HFM1: variants seen among roughly 807,000 people sequenced by gnomAD.
HFM1 encodes the protein probable ATP-dependent DNA helicase HFM1.
In HFM1, 169 loss-of-function variants were observed where a neutral mutation model predicts 192.1. That is an observed-to-expected ratio of 0.88 (90% CI 0.78 to 1.00). The LOEUF is 1.00. Ranked by LOEUF, HFM1 falls within the 50% of genes least tolerant of loss-of-function variation. The pLI, the probability that HFM1 is intolerant of heterozygous loss-of-function variation, is 0.00. For synonymous variants in HFM1, 525 were observed against 537.8 expected (o/e 0.98, Z 0.33); for missense variants, 1,661 against 1,668.0 (o/e 1.00, Z 0.07).
At chr1:91,352,709 A>AAAG in intron 15 of HFM1, 58 bp from the exon 16 acceptor site, 1 of 1,285,728 alleles carries the variant, frequency 7.8e-7, no homozygotes, top group Non-Finnish European at 1.0e-6. Context: ...CTTCAGGAAC[A>AAAG]TTTTTTAATA....
At chr1:91,295,182 T>C (rs1340431432) in intron 30 of HFM1, among the ~76,000 whole-genome samples, 1 of 152,212 alleles carries the variant, frequency 6.6e-6, no homozygotes, top group African/African-American at 2.4e-5. Flanking sequence ...GAAGTGTCTG[T>C]TTAATTGAGT....
chr1:91,353,885 T>C (rs1571070299), intron 13 of HFM1, among the ~76,000 whole-genome samples: 1 of 147,420 alleles, frequency 6.8e-6, no homozygotes, highest in Non-Finnish European at 1.5e-5. Context: ...ATTATTCCAC[T>C]AGTTGTGCAG....
At chr1:91,316,773 G>T (rs903406890) in intron 25 of HFM1, among the ~76,000 whole-genome samples, 1 of 152,080 alleles carries the variant, frequency 6.6e-6, no homozygotes, top group Non-Finnish European at 1.5e-5. Flanking sequence ...CAATCACCAA[G>T]AGATATGTAT....
At position 91,358,564 on chromosome 1, in the gene HFM1, A is replaced by C. The variant is rs183280821; in HGVS notation, c.1686-5265T>G. ...ATGGGGAAACAATAGTTTCTTCTAT[A>C]AATGAGGCTGGAAAAACAATTTCCA... On this transcript the variant is annotated intron_variant, in intron 13 of 38. Coordinates refer to ENST00000370425, the MANE Select transcript of HFM1 (RefSeq NM_001017975.6). 2.0e-5 allele frequency among the ~76,000 whole-genome samples: 3 copies of C among 152,336 alleles called. No homozygotes were observed. The East Asian group carries it at 5.8e-4, about 29-fold the overall frequency.
At chr1:91,323,416 G>GCATT (rs779922625) in intron 21 of HFM1, among the ~76,000 whole-genome samples, 31 of 152,114 alleles carry the variant, frequency 2.0e-4, no homozygotes, top group Non-Finnish European at 3.4e-4. Context: ...ACCAGACACT[G>GCATT]CATTAGACAC....
At position 91,309,105 on chromosome 1, in the gene HFM1, AG is replaced by A. The variant is rs367600255; in HGVS notation, c.3391+4243del. Among the ~76,000 whole-genome samples, 32 of 152,336 alleles carry A rather than the reference AG, an allele frequency of 2.1e-4. No homozygotes were observed. The East Asian group carries it at 6.0e-3, about 29-fold the overall frequency. ...AGAAGATGAAGGCTCATGAGCTCAC[AG>A]AATAGTTCTAAATGCGTTCTTCCTG... is the stretch of plus-strand genomic sequence containing the variant. On this transcript the variant is annotated intron_variant, in intron 30 of 38. Transcript: ENST00000370425.
chr1:91,329,269 G>T, intron 20 of HFM1: 2 of 1,609,584 alleles, frequency 1.2e-6, no homozygotes, highest in Non-Finnish European at 1.7e-6. Flanking sequence ...GAGCTGAAGT[G>T]GAGCGAGCCA....
At chr1:91,358,005 A>G (rs1439416283) in intron 13 of HFM1, among the ~76,000 whole-genome samples, 1 of 152,234 alleles carries the variant, frequency 6.6e-6, no homozygotes, top group Non-Finnish European at 1.5e-5. Context: ...ATATTGTTAA[A>G]ATGTCCATAC....
At chr1:91,389,232 G>A (rs282021) in intron 4 of HFM1, among the ~76,000 whole-genome samples, 100,452 of 149,510 alleles carry the variant, frequency 0.67, 34,236 homozygotes, top group African/African-American at 0.8. Context: ...TGTGATCTCG[G>A]CTCACTGCAA....
intron 20 of HFM1, among the ~76,000 whole-genome samples, chr1:91,341,434 A>C (rs962071925): frequency 3.9e-5 from 6 of 152,194 alleles, no homozygotes; most frequent in Non-Finnish European, 8.8e-5. Context: ...CAGGTAAAAC[A>C]ATGTTCAGAG....
chr1:91,284,140 T>C (rs540989039), intron 30 of HFM1, among the ~76,000 whole-genome samples: 4 of 152,200 alleles, frequency 2.6e-5, no homozygotes, highest in African/African-American at 9.6e-5. Flanking sequence ...TAAAGAAAAG[T>C]AGACTGCCTT....
intron 30 of HFM1, among the ~76,000 whole-genome samples, chr1:91,278,454 C>G (rs1383897645): frequency 6.6e-6 from 1 of 152,048 alleles, no homozygotes; most frequent in South Asian, 2.1e-4. Flanking sequence ...AGGTGGAGGG[C>G]AAATACCCAA....
intron 38 of HFM1, among the ~76,000 whole-genome samples, chr1:91,261,926 C>T (rs975757143): frequency 6.6e-6 from 1 of 152,160 alleles, no homozygotes; most frequent in African/African-American, 2.4e-5. Flanking sequence ...TAGCTGATCT[C>T]ATCTGGATTT....
chr1:91,266,048 T>C lies in HFM1; in HGVS notation c.3943A>G (p.Lys1315Glu), dbSNP rs1665739174. ...GACATTTCTCTTTGGAATTTGCTCTTTGACTCTTGAAGGGGTAGCTTACTT... is the reference window on the plus strand; with the variant it reads ...GACATTTCTCTTTGGAATTTGCTCTCTGACTCTTGAAGGGGTAGCTTACTT... ...RGSKLPLQES[K>E]SKFQREMSNS... Residue 1315 changes from lysine (K) to glutamate (E), a missense_variant, in exon 36 of 39, where the codon AAG (lysine) becomes GAG (glutamate). Transcript: ENST00000370425. 6.3e-7 allele frequency: 1 copy of C among 1,582,534 alleles called. No individual in the cohort carries two copies. Among genetic ancestry groups the C allele is most frequent in the East Asian group, 2.3e-5 (1 of 43,406 alleles).
chr1:91,378,421 T>A lies in HFM1; in HGVS notation c.1218A>T (p.Arg406=). 6.2e-7 allele frequency: 1 copy of A among 1,603,750 alleles called. No homozygotes were observed. Among genetic ancestry groups the A allele is most frequent in the Non-Finnish European group, 8.5e-7 (1 of 1,172,574 alleles). ...TCATTACCTCATCAATGAGAAACAG[T>A]CGAACCAGCTGAACCAAAGAGTTGT... ...WRDNSLVQLV[R]LFLIDEVHIV... is the part of the protein sequence containing the mutation. The change falls in exon 10 of 39, where the codon CGA becomes CGT. Residue 406 remains arginine, a synonymous_variant. Coordinates refer to ENST00000370425, the MANE Select transcript of HFM1 (RefSeq NM_001017975.6).
At chr1:91,326,484 A>C (rs1327349588) in intron 20 of HFM1, among the ~76,000 whole-genome samples, 1 of 152,082 alleles carries the variant, frequency 6.6e-6, no homozygotes, top group Non-Finnish European at 1.5e-5. Flanking sequence ...GAAAAAAAAA[A>C]CCCTTTTACT....
chr1:91,294,969 T>A lies in HFM1; in HGVS notation c.3392-17907A>T, dbSNP rs181351449. Among the ~76,000 whole-genome samples the A allele has an allele frequency of 2.3e-4, 35 of 152,334 alleles. 1 individual carries two copies. Among genetic ancestry groups the A allele is most frequent in the Admixed American group, 2.3e-3 (35 of 15,308 alleles). On this transcript the variant is annotated intron_variant, in intron 30 of 38. Coordinates refer to ENST00000370425, the MANE Select transcript of HFM1 (RefSeq NM_001017975.6). The stretch of plus-strand genomic sequence containing the variant: ...CTGCTAGTTTTCGGAAGTAGTTGTA[T>A]CAATCTATAATCACATTAGTGATTA...
At chr1:91,399,773 TC>T (rs1664090252) in intron 2 of HFM1, among the ~76,000 whole-genome samples, 3 of 152,344 alleles carry the variant, frequency 2.0e-5, no homozygotes, top group South Asian at 2.1e-4. Context: ...GACTGTGTAC[TC>T]CAAGACGACC....
At chr1:91,398,986 C>G (rs1359120767) in intron 2 of HFM1, among the ~76,000 whole-genome samples, 1 of 152,164 alleles carries the variant, frequency 6.6e-6, no homozygotes, top group Admixed American at 6.5e-5. Flanking sequence ...AGCCACCGTG[C>G]CTCGTCACTC....
Sources: gnomAD v4.1 joint callset for allele counts (sites outside exome capture counted in the v4.1 genomes callset) on GRCh38, gnomAD v4.1.1 for gene constraint, MANE v1.5 for transcripts, NCBI Gene and HGNC (gene_info 2026-07-23, HGNC 2026-07-21) for gene names.